MYRIP: variants seen among roughly 807,000 people sequenced by gnomAD.
The protein encoded by MYRIP is myosin VIIA and Rab interacting protein, also known as rab effector MyRIP.
A neutral mutation model predicts 98.0 loss-of-function variants in MYRIP; 49 were observed. The observed-to-expected ratio is 0.50, with a 90% CI of 0.40 to 0.63. The LOEUF is 0.63. MYRIP is among the 30% of genes least tolerant of loss of function. The probability of loss-of-function intolerance (pLI) is 0.00; values close to 1 mark genes in which losing one functional copy is unlikely to be tolerated. For missense variants in MYRIP, 1,004 were observed against 1,058.2 expected (o/e 0.95, Z 0.71); for synonymous variants, 404 against 409.5 (o/e 0.99, Z 0.16).
Position 39,979,343 on chromosome 3 carries a change from A to G in MYRIP, c.111-64707A>G, listed in dbSNP as rs1477926376. Among the ~76,000 whole-genome samples the G allele has an allele frequency of 3.9e-5, 6 of 152,136 alleles. No individual in the cohort carries two copies. The East Asian group carries it at 1.2e-3, about 29-fold the overall frequency. ...TTAGGATATTCATTGTTTGGTAATTAAAACTAAGCAGCTGGCCAGGCACGG... is the reference window on the plus strand; with the variant it reads ...TTAGGATATTCATTGTTTGGTAATTGAAACTAAGCAGCTGGCCAGGCACGG... On this transcript the variant is annotated intron_variant, in intron 2 of 16. Coordinates refer to ENST00000302541, the MANE Select transcript of MYRIP (RefSeq NM_015460.4).
At chr3:39,920,165 C>T (rs1301393583) in intron 2 of MYRIP, among the ~76,000 whole-genome samples, 2 of 152,048 alleles carry the variant, frequency 1.3e-5, no homozygotes, top group Non-Finnish European at 2.9e-5. Flanking sequence ...ACAGTAAATG[C>T]TCATAAGAAC....
chr3:40,050,383 C>G (rs1242213860), intron 3 of MYRIP, among the ~76,000 whole-genome samples: 1 of 151,930 alleles, frequency 6.6e-6, no homozygotes, highest in Non-Finnish European at 1.5e-5. Context: ...AATAAAACAA[C>G]AAAGCCTGAA....
intron 3 of MYRIP, among the ~76,000 whole-genome samples, chr3:40,119,374 T>C (rs574414532): frequency 1.6e-4 from 24 of 152,344 alleles, no homozygotes; most frequent in Non-Finnish European, 3.1e-4. Context: ...TGTGTTCTTA[T>C]GAAAAGAGCA....
chr3:40,156,547 G>C (rs1197962189), intron 4 of MYRIP, among the ~76,000 whole-genome samples: 2 of 152,228 alleles, frequency 1.3e-5, no homozygotes, highest in East Asian at 1.9e-4. Context: ...TTGGTAGCTT[G>C]ATGGGGATGG....
intron 2 of MYRIP, among the ~76,000 whole-genome samples, chr3:39,954,993 C>T (rs569749543): frequency 2.8e-4 from 42 of 152,026 alleles, no homozygotes; most frequent in African/African-American, 8.9e-4. Context: ...AGAAAAGAAA[C>T]GAACAAAGCC....
chr3:40,141,593 C>T (rs1949896307), intron 3 of MYRIP, among the ~76,000 whole-genome samples: 1 of 152,178 alleles, frequency 6.6e-6, no homozygotes, highest in South Asian at 2.1e-4. Flanking sequence ...ATGTTTAGTT[C>T]ATTGATCCCT....
chr3:40,094,675 A>G (rs557487290), intron 3 of MYRIP, among the ~76,000 whole-genome samples: 70 of 152,342 alleles, frequency 4.6e-4, no homozygotes, highest in African/African-American at 1.6e-3. Flanking sequence ...TGTTTCAGCC[A>G]GGCCTCTATG....
chr3:40,225,512 G>A (rs922431595), intron 11 of MYRIP, among the ~76,000 whole-genome samples: 6 of 152,184 alleles, frequency 3.9e-5, no homozygotes, highest in African/African-American at 1.4e-4. Context: ...CTGGGTCCAG[G>A]GAATTATGCA....
At chr3:39,931,830 A>G (rs569073210) in intron 2 of MYRIP, among the ~76,000 whole-genome samples, 2 of 152,288 alleles carry the variant, frequency 1.3e-5, no homozygotes, top group East Asian at 3.9e-4. Flanking sequence ...TAGATGTTAT[A>G]CCAATTTTGC....
At chr3:40,076,710 AGG>A (rs1559389943) in intron 3 of MYRIP, among the ~76,000 whole-genome samples, 1 of 152,164 alleles carries the variant, frequency 6.6e-6, no homozygotes, top group African/African-American at 2.4e-5. Flanking sequence ...CTTAGCTCAA[AGG>A]GGGACTGGCA....
intron 2 of MYRIP, among the ~76,000 whole-genome samples, chr3:40,025,512 A>G (rs1339953395): frequency 2.0e-5 from 3 of 152,192 alleles, no homozygotes; most frequent in Non-Finnish European, 2.9e-5. Flanking sequence ...AGGTGGGTTT[A>G]CCCTTTGGAG....
At chr3:40,232,937 A>G (rs1225407985) in intron 11 of MYRIP, 1 of 152,218 alleles carries the variant, frequency 6.6e-6, no homozygotes, top group Non-Finnish European at 1.5e-5. Flanking sequence ...GAGGCAGGTG[A>G]TGACTCCCAG....
At chr3:40,050,196 G>A (rs1259952991) in intron 3 of MYRIP, among the ~76,000 whole-genome samples, 2 of 152,118 alleles carry the variant, frequency 1.3e-5, no homozygotes, top group Non-Finnish European at 2.9e-5. Context: ...GGAAGAAGAG[G>A]CCATCTACAA....
intron 2 of MYRIP, among the ~76,000 whole-genome samples, chr3:39,958,712 C>T (rs1256707238): frequency 2.0e-5 from 3 of 152,122 alleles, no homozygotes; most frequent in Admixed American, 6.5e-5. Context: ...TTCTGCACAG[C>T]AAAAGAAACT....
At chr3:40,082,626 T>C (rs1948502178) in intron 3 of MYRIP, among the ~76,000 whole-genome samples, 2 of 152,238 alleles carry the variant, frequency 1.3e-5, no homozygotes, top group Non-Finnish European at 2.9e-5. Context: ...AGGAACTTTA[T>C]AATTCTCATT....
chr3:39,898,953 C>T (rs1943680237), intron 1 of MYRIP, among the ~76,000 whole-genome samples: 1 of 151,770 alleles, frequency 6.6e-6, no homozygotes, highest in Non-Finnish European at 1.5e-5. Context: ...ATGAAAGATA[C>T]CTTAAGGACA....
chr3:40,192,309 CATATAT>C (rs763879430), intron 10 of MYRIP, among the ~76,000 whole-genome samples: 4,550 of 57,752 alleles, frequency 0.079, 933 homozygotes, highest in Non-Finnish European at 0.098. Context: ...TAGTTTTCTT[CATATAT>C]ATATATATAT....
chr3:39,908,764 CACT>C (rs1254443268), intron 2 of MYRIP, among the ~76,000 whole-genome samples: 1 of 152,150 alleles, frequency 6.6e-6, no homozygotes, highest in African/African-American at 2.4e-5. Context: ...TTGTTCTGAA[CACT>C]TAAATTAAGC....
chr3:40,092,358 G>T (rs180878529), intron 3 of MYRIP, among the ~76,000 whole-genome samples: 4 of 152,254 alleles, frequency 2.6e-5, no homozygotes, highest in African/African-American at 7.2e-5. Flanking sequence ...GCCAGGAAGG[G>T]CTGGGAAAGA....
Sources: allele counts gnomAD v4.1 joint callset (sites outside exome capture counted in the v4.1 genomes callset), GRCh38; gene constraint gnomAD v4.1.1; transcripts MANE v1.5; gene names NCBI Gene and HGNC (gene_info 2026-07-23, HGNC 2026-07-21).